Variants in SPAG9 observed in about 807,000 individuals in gnomAD.
The protein encoded by SPAG9 is sperm associated antigen 9, also known as C-Jun-amino-terminal kinase-interacting protein 4.
Under a neutral mutation model 166.5 loss-of-function variants are expected in SPAG9, and 35 were observed. That is an observed-to-expected ratio of 0.21 (90% CI 0.16 to 0.28). SPAG9 has a LOEUF of 0.28. SPAG9 is among the 10% of genes least tolerant of loss of function. The probability of loss-of-function intolerance (pLI) is 1.00; values close to 1 mark genes in which losing one functional copy is unlikely to be tolerated. For synonymous variants in SPAG9, 534 were observed against 565.5 expected, an observed-to-expected ratio of 0.94 and a Z score of 0.79; for missense variants, 1,235 against 1,603.3, an observed-to-expected ratio of 0.77 and a Z score of 3.92.
chr17:51,093,187 C>G (rs888960866), intron 1 of SPAG9, among the ~76,000 whole-genome samples: 4 of 144,024 alleles, frequency 2.8e-5, no homozygotes, highest in Non-Finnish European at 6.0e-5. Context: ...CAAGCCTAGG[C>G]AAAATAGCAA....
chr17:51,043,399 T>A (rs572433328), intron 4 of SPAG9, among the ~76,000 whole-genome samples: 4 of 152,334 alleles, frequency 2.6e-5, no homozygotes, highest in African/African-American at 9.6e-5. Context: ...GTACCTATTG[T>A]ACACATACAC....
chr17:51,050,349 T>C (rs2144480894), intron 3 of SPAG9, among the ~76,000 whole-genome samples: 1 of 152,328 alleles, frequency 6.6e-6, no homozygotes, highest in Non-Finnish European at 1.5e-5. Flanking sequence ...TCAGTGCAGT[T>C]ACAGCCATTT....
intron 1 of SPAG9, among the ~76,000 whole-genome samples, chr17:51,091,884 A>C (rs1598164860): frequency 6.6e-6 from 1 of 151,996 alleles, no homozygotes; most frequent in African/African-American, 2.4e-5. Context: ...TTTGTGATGA[A>C]GCAAAATGCT....
chr17:51,093,643 C>T (rs940247299), intron 1 of SPAG9, among the ~76,000 whole-genome samples: 6 of 135,822 alleles, frequency 4.4e-5, no homozygotes, highest in African/African-American at 1.7e-4. Context: ...CACAGTGAGC[C>T]GAGATTGCGC....
intron 1 of SPAG9, among the ~76,000 whole-genome samples, chr17:51,083,224 C>CTTTTTTCTTTTTTTT (rs941128360): frequency 2.0e-5 from 3 of 149,292 alleles, no homozygotes; most frequent in Non-Finnish European, 3.0e-5. Context: ...GTTGGTTTTT[C>CTTTTTTCTTTTTTTT]TTTTTTCTTT....
chr17:51,075,127 C>A (rs539425891), intron 2 of SPAG9, among the ~76,000 whole-genome samples: 1 of 128,798 alleles, frequency 7.8e-6, no homozygotes, highest in Non-Finnish European at 1.6e-5. Context: ...ACCTGGGAGG[C>A]GGAGGTTGCA....
intron 1 of SPAG9, among the ~76,000 whole-genome samples, chr17:51,094,563 C>T (rs544077321): frequency 2.6e-5 from 4 of 152,106 alleles, no homozygotes; most frequent in Non-Finnish European, 5.9e-5. Flanking sequence ...CTTAGGGTAA[C>T]CAAACAGTTG....
intron 1 of SPAG9, among the ~76,000 whole-genome samples, chr17:51,110,763 C>G (rs1248767550): frequency 5.9e-5 from 9 of 152,208 alleles, no homozygotes; most frequent in African/African-American, 2.2e-4. Context: ...CCATGGTTCA[C>G]CTCACACATT....
intron 1 of SPAG9, among the ~76,000 whole-genome samples, chr17:51,081,514 C>T (rs1440211071): frequency 2.6e-5 from 4 of 151,938 alleles, no homozygotes; most frequent in East Asian, 1.9e-4. Flanking sequence ...GAGGCTGAGG[C>T]GAGCAGATCA....
At chr17:51,015,734 T>TAA (rs34599862) in intron 8 of SPAG9, among the ~76,000 whole-genome samples, 19 of 149,600 alleles carry the variant, frequency 1.3e-4, no homozygotes, top group Admixed American at 9.3e-4. Context: ...AATGAGGGTT[T>TAA]AAAAAAAAAT....
Position 50,993,782 on chromosome 17 carries a change from A to G in SPAG9, c.2380T>C (p.Cys794Arg), listed in dbSNP as rs1408127403. ...SFTVCNSHVL[C>R]IASVPGARET... The stretch of plus-strand genomic sequence containing the variant: ...CTCTTACCTGGCACACTTGCAATGC[A>G]CAGAACATGAGAGTTGCAAACAGTG... Residue 794 changes from cysteine to arginine, a missense_variant, in exon 19 of 30, where the codon TGC becomes CGC. Cys to Arg is a radical substitution (Grantham distance 180). Transcript: ENST00000262013. The G allele has an allele frequency of 5.0e-6, 8 of 1,613,996 alleles. No individual in the cohort carries two copies. The highest frequency in any genetic ancestry group is 6.8e-6 in the Non-Finnish European group (8 of 1,179,986).
At chr17:50,970,505 G>A (rs111568676) in intron 29 of SPAG9, among the ~76,000 whole-genome samples, 3 of 131,134 alleles carry the variant, frequency 2.3e-5, no homozygotes, top group South Asian at 5.0e-4. Context: ...AGAGTGAGAC[G>A]TCATCTCAAA....
chr17:51,092,418 C>T (rs2048491630), intron 1 of SPAG9, among the ~76,000 whole-genome samples: 1 of 152,000 alleles, frequency 6.6e-6, no homozygotes, highest in African/African-American at 2.4e-5. Flanking sequence ...TGTTTAGATA[C>T]TGATTGAAAA....
At chr17:51,095,038 G>A (rs1326444685) in intron 1 of SPAG9, among the ~76,000 whole-genome samples, 2 of 152,192 alleles carry the variant, frequency 1.3e-5, no homozygotes, top group African/African-American at 4.8e-5. Context: ...GCTGACGCCT[G>A]TAATCCCAGC....
chr17:50,993,697 G>A, intron 19 of SPAG9, 67 bp downstream of exon 19: 1 of 1,504,810 alleles, frequency 6.6e-7, no homozygotes, highest in Non-Finnish European at 9.2e-7. Flanking sequence ...ATCTTCAGCT[G>A]CTACATCAGT....
chr17:51,014,373 A>C lies in SPAG9; in HGVS notation c.1092-20T>G. The C allele has an allele frequency of 6.3e-7, 1 of 1,590,758 alleles. No individual in the cohort carries two copies. The highest frequency in any genetic ancestry group is 8.6e-7 in the Non-Finnish European group (1 of 1,166,310). ...GGAGTGCTATGCAACAAGAACAACAAAACCAAATCAACAAATGACAAAGAC... is the reference window on the plus strand; with the variant it reads ...GGAGTGCTATGCAACAAGAACAACACAACCAAATCAACAAATGACAAAGAC... On this transcript the variant is annotated intron_variant, in intron 8 of 29. Coordinates refer to ENST00000262013, the MANE Select transcript of SPAG9 (RefSeq NM_001130528.3).
chr17:51,001,653 GA>G, intron 13 of SPAG9, 61 bp downstream of exon 13: 1 of 1,517,576 alleles, frequency 6.6e-7, no homozygotes, highest in Non-Finnish European at 8.9e-7. Context: ...AGTTCCACAT[GA>G]AGGAATATTC....
intron 26 of SPAG9, 102 bp from the exon 27 acceptor site, chr17:50,977,323 G>T: frequency 1.4e-6 from 1 of 725,314 alleles, no homozygotes; most frequent in East Asian, 2.5e-5. Flanking sequence ...AAAAAAAAAA[G>T]AAAGAAAGTA....
rs372705081 is a variant in SPAG9, at chr17:51,015,991, T to TA, written c.1092-1639dup. ...CACCAAGCACAGTATCATTAATTTTTAAAAAATCAAGAAAGTGACAATCTT... is the reference window on the plus strand; with the variant it reads ...CACCAAGCACAGTATCATTAATTTTTAAAAAAATCAAGAAAGTGACAATCTT... On this transcript the variant is annotated intron_variant, in intron 8 of 29. Transcript: ENST00000262013. 6.6e-3 allele frequency among the ~76,000 whole-genome samples: 998 copies of TA among 152,168 alleles called. 8 individuals are homozygous for TA. The highest frequency in any genetic ancestry group is 0.022 in the African/African-American group (932 of 41,526).
Sources: gnomAD v4.1 joint callset for allele counts (sites outside exome capture counted in the v4.1 genomes callset) on GRCh38, gnomAD v4.1.1 for gene constraint, MANE v1.5 for transcripts, NCBI Gene and HGNC (gene_info 2026-07-23, HGNC 2026-07-21) for gene names.